SYNPO2: variants seen among roughly 807,000 people sequenced by gnomAD.
SYNPO2 encodes synaptopodin-2.
A neutral mutation model predicts 85.0 loss-of-function variants in SYNPO2; 56 were observed. The observed-to-expected ratio is 0.66, with a 90% CI of 0.53 to 0.82. The LOEUF (loss-of-function observed/expected upper bound fraction) is 0.82, where lower values mean the gene tolerates loss of function less well. SYNPO2 is among the 40% of genes least tolerant of loss of function. SYNPO2 has a pLI of 0.00. For missense variants in SYNPO2, 1,575 were observed against 1,534.2 expected (o/e 1.03, Z -0.44); for synonymous variants, 602 against 591.1 (o/e 1.02, Z -0.27).
In SYNPO2 at chr4:119,059,320, G is replaced by A. The variant is rs1213196518; in HGVS notation, c.*1386G>A. The A allele has an allele frequency of 6.6e-6, 1 of 152,106 alleles. No homozygotes were observed. The highest frequency in any genetic ancestry group is 1.5e-5 in the Non-Finnish European group (1 of 68,014). The allele number at this position is 152,106 out of a possible 1,614,324, so 9.4% of individuals were successfully genotyped here. ...ATCGTAGGTCATGATAATTTATTCA[G>A]TTATAGAAAACATGCCACAGAAGCC... On this transcript the variant is annotated 3_prime_UTR_variant, in exon 5 of 5. Coordinates refer to ENST00000307142, the MANE Select transcript of SYNPO2 (RefSeq NM_133477.3).
intron 1 of SYNPO2, among the ~76,000 whole-genome samples, chr4:119,009,955 C>T (rs1301106847): frequency 6.6e-6 from 1 of 152,160 alleles, no homozygotes; most frequent in Non-Finnish European, 1.5e-5. Context: ...GATTCCATTG[C>T]TGATGGTCTG....
At chr4:118,861,078 G>A (rs1731601322) in intron 1 of SYNPO2, among the ~76,000 whole-genome samples, 1 of 152,134 alleles carries the variant, frequency 6.6e-6, no homozygotes, top group Non-Finnish European at 1.5e-5. Flanking sequence ...GCCTGTGCCT[G>A]CCAGGCATTA....
intron 4 of SYNPO2, chr4:119,033,562 A>G (rs1156683198): frequency 1.1e-5 from 11 of 985,336 alleles, no homozygotes; most frequent in Non-Finnish European, 1.2e-5. Context: ...AAAATCATCT[A>G]CTCTATGCAG....
intron 1 of SYNPO2, among the ~76,000 whole-genome samples, chr4:118,958,785 T>C (rs1164445353): frequency 6.6e-6 from 1 of 152,200 alleles, no homozygotes; most frequent in East Asian, 1.9e-4. Flanking sequence ...AGGAGAAATG[T>C]TGAAAATTTC....
At chr4:118,984,363 T>A (rs756670050) in intron 1 of SYNPO2, among the ~76,000 whole-genome samples, 2 of 152,228 alleles carry the variant, frequency 1.3e-5, no homozygotes, top group Non-Finnish European at 2.9e-5. Flanking sequence ...TTAGATATTA[T>A]CTGTTTAATT....
chr4:119,027,524 T>C (rs1738024094), intron 3 of SYNPO2, 86 bp downstream of exon 3: 3 of 1,265,074 alleles, frequency 2.4e-6, no homozygotes. Context: ...TTCAGCAAGA[T>C]TTTTCTTATG....
At chr4:118,858,798 A>G (rs1272340123) in intron 1 of SYNPO2, among the ~76,000 whole-genome samples, 4 of 152,240 alleles carry the variant, frequency 2.6e-5, no homozygotes, top group Non-Finnish European at 5.9e-5. Context: ...ACTGCATCTG[A>G]GACAAAGGTT....
intron 1 of SYNPO2, among the ~76,000 whole-genome samples, chr4:119,007,233 T>TACATATATGTATATAC (rs1560971895): frequency 2.4e-5 from 1 of 42,090 alleles, no homozygotes; most frequent in South Asian, 8.4e-4. Flanking sequence ...TATATATATA[T>TACATATATGTATATAC]ATATATATAT....
At chr4:118,859,473 C>T (rs1731570735) in intron 1 of SYNPO2, among the ~76,000 whole-genome samples, 1 of 152,098 alleles carries the variant, frequency 6.6e-6, no homozygotes. Flanking sequence ...ATTTTTTACT[C>T]TAGTCACCTT....
At chr4:118,989,109 T>A (rs1736321514) in intron 1 of SYNPO2, among the ~76,000 whole-genome samples, 1 of 152,228 alleles carries the variant, frequency 6.6e-6, no homozygotes, top group Admixed American at 6.5e-5. Flanking sequence ...CTTAACTGCA[T>A]ACTTTAATGT....
intron 1 of SYNPO2, among the ~76,000 whole-genome samples, chr4:119,019,532 T>C (rs1363991077): frequency 1.3e-5 from 2 of 150,708 alleles, no homozygotes; most frequent in African/African-American, 2.4e-5. Flanking sequence ...TCTGTTTTAA[T>C]TTTTAAAAAT....
At chr4:118,886,508 T>C (rs945935578), upstream of SYNPO2, among the ~76,000 whole-genome samples, 3 of 152,222 alleles carry the variant, frequency 2.0e-5, no homozygotes, top group Non-Finnish European at 4.4e-5. Context: ...TGGTGTTTGG[T>C]TTACTGTTCC....
chr4:119,021,914 A>T (rs560789970), intron 1 of SYNPO2, among the ~76,000 whole-genome samples: 13 of 152,214 alleles, frequency 8.5e-5, no homozygotes, highest in African/African-American at 3.1e-4. Context: ...CATAGACCTG[A>T]CCTCTCATTT....
chr4:118,916,218 G>T (rs1733316608), intron 1 of SYNPO2, among the ~76,000 whole-genome samples: 1 of 151,386 alleles, frequency 6.6e-6, no homozygotes. Flanking sequence ...TGTCATCCAG[G>T]CTGGAGTGCA....
chr4:119,043,566 A>G (rs1338653143), intron 4 of SYNPO2: 3 of 152,250 alleles, frequency 2.0e-5, no homozygotes, highest in Admixed American at 6.5e-5. Flanking sequence ...TGTGGTCTAC[A>G]TGGCAAAATT....
At chr4:118,938,759 C>T (rs545373440) in intron 1 of SYNPO2, among the ~76,000 whole-genome samples, 29 of 152,272 alleles carry the variant, frequency 1.9e-4, no homozygotes, top group African/African-American at 6.3e-4. Flanking sequence ...TATGTAAGTA[C>T]TTACTTTCAG....
intron 1 of SYNPO2, among the ~76,000 whole-genome samples, chr4:118,858,028 G>A (rs965397983): frequency 2.6e-5 from 4 of 152,140 alleles, no homozygotes; most frequent in African/African-American, 4.8e-5. Context: ...TAAGTTCTCA[G>A]GGTCCATTCT....
chr4:119,021,062 T>C (rs2149183937), intron 1 of SYNPO2, among the ~76,000 whole-genome samples: 1 of 152,318 alleles, frequency 6.6e-6, no homozygotes, highest in Non-Finnish European at 1.5e-5. Flanking sequence ...TCCAATAAAT[T>C]AGTATATTCT....
At chr4:118,952,601 T>A (rs1000227648) in intron 1 of SYNPO2, among the ~76,000 whole-genome samples, 1 of 152,078 alleles carries the variant, frequency 6.6e-6, no homozygotes, top group Non-Finnish European at 1.5e-5. Context: ...GTAAAATTGG[T>A]AAAAATATCA....
Sources: gnomAD v4.1 joint callset for allele counts (sites outside exome capture counted in the v4.1 genomes callset) on GRCh38, gnomAD v4.1.1 for gene constraint, MANE v1.5 for transcripts, NCBI Gene and HGNC (gene_info 2026-07-23, HGNC 2026-07-21) for gene names.